Variants in PPP1R13L observed in about 807,000 individuals in gnomAD.
The protein encoded by PPP1R13L is protein phosphatase 1 regulatory subunit 13 like.
PPP1R13L carries 50 observed loss-of-function variants against 80.9 expected under a neutral mutation model. The observed-to-expected ratio is 0.62, with a 90% CI of 0.49 to 0.78. The LOEUF (loss-of-function observed/expected upper bound fraction) is 0.78. Among genes scored for constraint, PPP1R13L ranks in the 30% least tolerant of loss-of-function variants. The pLI is 0.00. For synonymous variants in PPP1R13L, 602 were observed against 534.3 expected (o/e 1.13, Z -1.75); for missense variants, 1,200 against 1,205.9 (o/e 1.00, Z 0.07).
rs748655756 is a variant in PPP1R13L, at chr19:45,396,966, G to C, written c.291C>G (p.Phe97Leu). 9 of 1,402,882 alleles carry C rather than the reference G, an allele frequency of 6.4e-6. No homozygotes were observed. In the South Asian group the frequency reaches 1.5e-4, roughly 23 times the overall value. The allele number at this position is 1,402,882 out of a possible 1,614,324, so 86.9% of individuals were successfully genotyped here. ...GGGTTGGGGCACTCTCTGATCGTCC[G>C]AACGGGGTGTCTGCGCCGTCGGTGG... ...KAATDGADTP[F>L]GRSESAPTLH... The change falls in exon 4 of 13, where the codon TTC (phenylalanine) becomes TTG (leucine). Residue 97 changes from phenylalanine to leucine, a missense_variant. By Grantham distance (22) the Phe-to-Leu change is conservative (BLOSUM62 0). Around this residue, in one of 5 missense-constraint regions of PPP1R13L, gnomAD observed 764 missense variants for 714.5 expected, o/e 1.07. Coordinates refer to ENST00000360957, the MANE Select transcript of PPP1R13L (RefSeq NM_006663.4). This position sits in a 1 kb window ranked among gnomAD's most constrained non-coding sequence, Gnocchi z 5.3.
At chr19:45,394,222 C>T (rs920316423) in intron 7 of PPP1R13L, among the ~76,000 whole-genome samples, 31 of 152,030 alleles carry the variant, frequency 2.0e-4, no homozygotes, top group African/African-American at 7.2e-4. Flanking sequence ...GCCTGGATCT[C>T]CCAGGCTTAA....
chr19:45,396,965 C>G lies in PPP1R13L; in HGVS notation c.292G>C (p.Gly98Arg), dbSNP rs780865877. 2 of 1,403,854 alleles carry G rather than the reference C, an allele frequency of 1.4e-6. No individual in the cohort carries two copies. The highest frequency in any genetic ancestry group is 2.8e-5 in the East Asian group (1 of 36,170). The allele number at this position is 1,403,854 out of a possible 1,614,324, so 87.0% of individuals were successfully genotyped here. The change falls in exon 4 of 13, where the codon GGA becomes CGA. Residue 98 changes from glycine (G) to arginine (R), a missense_variant. Gly to Arg is a moderately radical substitution (Grantham distance 125). Coordinates refer to ENST00000360957, the MANE Select transcript of PPP1R13L (RefSeq NM_006663.4). The surrounding 1 kb of genome is among the most constrained non-coding windows in gnomAD (Gnocchi z 5.3). ...AGGGTTGGGGCACTCTCTGATCGTCCGAACGGGGTGTCTGCGCCGTCGGTG... is the reference window on the plus strand; with the variant it reads ...AGGGTTGGGGCACTCTCTGATCGTCGGAACGGGGTGTCTGCGCCGTCGGTG... ...AATDGADTPF[G>R]RSESAPTLHP... is the part of the protein sequence containing the mutation.
upstream of PPP1R13L, chr19:45,406,119 C>A (rs1452099166): frequency 4.9e-6 from 1 of 202,144 alleles, no homozygotes; most frequent in Non-Finnish European, 8.8e-6. The surrounding 1 kb of genome is among the most constrained non-coding windows in gnomAD (Gnocchi z 4.2). Context: ...TTCCCGCTCC[C>A]CCGGAGTCCA....
intron 7 of PPP1R13L, 192 bp from the exon 8 acceptor site, chr19:45,392,532 C>T: frequency 1.4e-6 from 1 of 705,036 alleles, no homozygotes. Context: ...ATTTATTGAG[C>T]AGTTAGTATG....
At chr19:45,382,879 G>C (rs1972792042) in intron 11 of PPP1R13L, among the ~76,000 whole-genome samples, 153 bp from the exon 12 acceptor site, 1 of 152,210 alleles carries the variant, frequency 6.6e-6, no homozygotes, top group African/African-American at 2.4e-5. Flanking sequence ...ATGGGAACCG[G>C]AGCTGGAGTC....
rs1161317178 is a variant in PPP1R13L at position 45,396,299 on chromosome 19, T to TC, written c.811+38dup. ...TCATTAGGGTCTGTGGGGCTGCCTC[T>TC]CCTCCGGGTCCTCCATTCCCCGGGC... On this transcript the variant is annotated intron_variant, in intron 5 of 12. Transcript: ENST00000360957. This position sits in a 1 kb window ranked among gnomAD's most constrained non-coding sequence, Gnocchi z 5.3. 6.2e-7 allele frequency: 1 copy of TC among 1,613,732 alleles called. No individual in the cohort carries two copies. The highest frequency in any genetic ancestry group is 1.7e-5 in the Admixed American group (1 of 60,014).
At chr19:45,386,215 G>A in intron 8 of PPP1R13L, 35 bp from the exon 9 acceptor site, 1 of 1,473,958 alleles carries the variant, frequency 6.8e-7, no homozygotes, top group East Asian at 2.4e-5. Flanking sequence ...GCGACTTGGA[G>A]GGATTGTTAG....
intron 6 of PPP1R13L, 61 bp from the exon 7 acceptor site, chr19:45,395,947 A>G: frequency 4.2e-6 from 6 of 1,440,258 alleles, no homozygotes; most frequent in Non-Finnish European, 5.7e-6. Flanking sequence ...GGGGAGGTAA[A>G]GACAAAAGAC....
rs1474494060 is a variant in PPP1R13L at position 45,385,544 on chromosome 19, A to G, written c.2248+18T>C. The G allele has an allele frequency of 3.8e-6, 6 of 1,599,044 alleles. No individual in the cohort carries two copies. The highest frequency in any genetic ancestry group is 5.1e-6 in the Non-Finnish European group (6 of 1,171,090). On this transcript the variant is annotated intron_variant, in intron 11 of 12. Coordinates refer to ENST00000360957, the MANE Select transcript of PPP1R13L (RefSeq NM_006663.4). The stretch of plus-strand genomic sequence containing the variant: ...CGCACCCGCCAGGTACCCAGGCGCC[A>G]GCAGCCCTGCCTCGCACCTGCCAGG...
At chr19:45,386,633 T>C (rs1195474436) in intron 8 of PPP1R13L, among the ~76,000 whole-genome samples, 6 of 50,764 alleles carry the variant, frequency 1.2e-4, no homozygotes, top group East Asian at 1.4e-3. Context: ...CTTTTTCTCT[T>C]TTTTTTTTTT....
Position 45,382,596 on chromosome 19 carries a change from C to G in PPP1R13L, c.2379G>C (p.Pro793=), listed in dbSNP as rs1318937109. 2 of 1,613,512 alleles carry G rather than the reference C, an allele frequency of 1.2e-6. No homozygotes were observed. Among genetic ancestry groups the G allele is most frequent in the Non-Finnish European group, 1.7e-6 (2 of 1,179,988 alleles). ...CGGCCCACCACCAGTCGGTCTCCTC[C>G]GGCCCGTCCCTCCGCAGCACGGTGA... is the stretch of plus-strand genomic sequence containing the variant. ...ESVTVLRRDG[P]EETDWWWAAL... The change falls in exon 12 of 13, where the codon CCG becomes CCC. Residue 793 remains proline, a synonymous_variant. Coordinates refer to ENST00000360957, the MANE Select transcript of PPP1R13L (RefSeq NM_006663.4).
At chr19:45,394,855 T>A (rs1294319879) in intron 7 of PPP1R13L, 3 of 144,680 alleles carry the variant, frequency 2.1e-5, no homozygotes, top group Non-Finnish European at 4.5e-5. Flanking sequence ...TGCCTTTTTT[T>A]TTTTTTTTTT....
intron 12 of PPP1R13L, 102 bp downstream of exon 12, chr19:45,382,425 A>G: frequency 1.5e-6 from 2 of 1,378,566 alleles, no homozygotes; most frequent in African/African-American, 1.4e-5. Flanking sequence ...CTCTCCCAAT[A>G]TAACGGTTTG....
chr19:45,397,598 C>T (rs140568786), intron 3 of PPP1R13L, among the ~76,000 whole-genome samples: 179 of 151,362 alleles, frequency 1.2e-3, no homozygotes, highest in Middle Eastern at 6.8e-3. Flanking sequence ...GCTGGGATTA[C>T]AGGTATGCAC....
intron 12 of PPP1R13L, among the ~76,000 whole-genome samples, chr19:45,381,331 G>A (rs1177780606): frequency 6.6e-6 from 1 of 151,654 alleles, no homozygotes; most frequent in Non-Finnish European, 1.5e-5. Context: ...CAAAGTGCTG[G>A]GATTACAGGT....
chr19:45,392,020 G>A lies in PPP1R13L; in HGVS notation c.1675C>T (p.Pro559Ser). 6.5e-7 allele frequency: 1 copy of A among 1,541,898 alleles called. No individual in the cohort carries two copies. ...RLFHRHGGPG[P>S]GGPEPELSPI... ...GACAGCTCTGGCTCCGGCCCCCCGG[G>A]CCCTGGCCCCCCATGACGATGGAAG... Residue 559 changes from proline to serine, a missense_variant, in exon 8 of 13, where the codon CCC (proline) becomes TCC (serine). Coordinates refer to ENST00000360957, the MANE Select transcript of PPP1R13L (RefSeq NM_006663.4).
intron 8 of PPP1R13L, among the ~76,000 whole-genome samples, chr19:45,387,182 T>C (rs1168945637): frequency 6.6e-6 from 1 of 151,800 alleles, no homozygotes; most frequent in East Asian, 2.0e-4. Context: ...GCAGGAGGAT[T>C]ACTTGAATGG....
Position 45,395,607 on chromosome 19 carries a change from A to G in PPP1R13L, c.1183T>C (p.Ser395Pro), listed in dbSNP as rs1973068313. 6.9e-7 allele frequency: 1 copy of G among 1,456,638 alleles called. No individual in the cohort carries two copies. Among genetic ancestry groups the G allele is most frequent in the East Asian group, 2.5e-5 (1 of 40,214 alleles). 90.2% of individuals were successfully genotyped at this position (1,456,638 alleles called of 1,614,324 possible). ...GGGGGTGCTCGGGTGAAGAGGGGGG[A>G]CCCAGGGAGCATGGCGCGGCTGGCC... is the stretch of plus-strand genomic sequence containing the variant. ...HGASRAMLPGSPLFTRAPPPK... is the reference protein window; with the variant it reads ...HGASRAMLPGPPLFTRAPPPK... The change falls in exon 7 of 13, where the codon TCC becomes CCC. Residue 395 changes from serine to proline, a missense_variant. Physicochemically the swap from Ser to Pro is moderately conservative, Grantham distance 74. Transcript: ENST00000360957.
intron 2 of PPP1R13L, 24 bp from the exon 3 acceptor site, chr19:45,398,171 A>C: frequency 6.2e-7 from 1 of 1,613,012 alleles, no homozygotes; most frequent in Non-Finnish European, 8.5e-7. Flanking sequence ...AGTGGAGGTA[A>C]GGACCTGGCC....
Sources: gnomAD v4.1 joint callset for allele counts (sites outside exome capture counted in the v4.1 genomes callset) on GRCh38, gnomAD v4.1.1 for gene constraint, gnomAD v4.1.1 regional missense constraint, Gnocchi (gnomAD v3.1) non-coding constraint, MANE v1.5 for transcripts, NCBI Gene and HGNC (gene_info 2026-07-23, HGNC 2026-07-21) for gene names.